ALK: variants seen among roughly 807,000 people sequenced by gnomAD.
ALK encodes the protein ALK receptor tyrosine kinase.
In ALK, 74 loss-of-function variants were observed where a neutral mutation model predicts 163.1. That is an observed-to-expected ratio of 0.45 (90% CI 0.38 to 0.55). The LOEUF (loss-of-function observed/expected upper bound fraction) is 0.55, where lower values mean the gene tolerates loss of function less well. ALK is among the 20% of genes least tolerant of loss of function. ALK has a pLI of 0.00. For missense variants in ALK, 2,063 were observed against 2,105.3 expected (o/e 0.98, Z 0.39); for synonymous variants, 960 against 843.2 (o/e 1.14, Z -2.40).
At chr2:29,365,985 T>A (rs1006305780) in intron 5 of ALK, among the ~76,000 whole-genome samples, 1 of 152,074 alleles carries the variant, frequency 6.6e-6, no homozygotes, top group Non-Finnish European at 1.5e-5. Context: ...TTCATTTCCC[T>A]CCATTTAGAG....
intron 3 of ALK, among the ~76,000 whole-genome samples, chr2:29,613,920 G>C (rs546895289): frequency 6.6e-5 from 10 of 152,220 alleles, no homozygotes; most frequent in Non-Finnish European, 1.0e-4. Flanking sequence ...AAAAAGGGGG[G>C]GTTCTACAGC....
chr2:29,812,922 C>T (rs539801642), intron 1 of ALK, among the ~76,000 whole-genome samples: 2 of 152,308 alleles, frequency 1.3e-5, no homozygotes, highest in East Asian at 3.9e-4. Flanking sequence ...TACACATCTC[C>T]CTAATGGACT....
At chr2:29,395,725 C>T (rs1195424067) in intron 4 of ALK, among the ~76,000 whole-genome samples, 2 of 152,202 alleles carry the variant, frequency 1.3e-5, no homozygotes, top group African/African-American at 4.8e-5. Flanking sequence ...GATCTTAAGA[C>T]CCTAGTTCCA....
At chr2:29,481,298 A>G (rs1671654593) in intron 4 of ALK, among the ~76,000 whole-genome samples, 1 of 152,220 alleles carries the variant, frequency 6.6e-6, no homozygotes, top group Admixed American at 6.5e-5. Flanking sequence ...TAAATTGCCA[A>G]TATATTTGGC....
At chr2:29,622,449 T>C (rs977598224) in intron 3 of ALK, among the ~76,000 whole-genome samples, 2 of 152,168 alleles carry the variant, frequency 1.3e-5, no homozygotes, top group African/African-American at 4.8e-5. Context: ...CTGAGACTTA[T>C]TCACTATCAC....
chr2:29,213,649 G>A (rs1374468451), intron 24 of ALK, among the ~76,000 whole-genome samples: 2 of 152,120 alleles, frequency 1.3e-5, no homozygotes, highest in African/African-American at 4.8e-5. Context: ...TTATGTAAGG[G>A]GCAAGTGAAT....
intron 9 of ALK, among the ~76,000 whole-genome samples, chr2:29,296,648 C>T (rs1169505521): frequency 1.3e-5 from 2 of 152,178 alleles, no homozygotes; most frequent in Non-Finnish European, 2.9e-5. Flanking sequence ...TACCAGTGGT[C>T]CCGAGACAAG....
intron 4 of ALK, among the ~76,000 whole-genome samples, chr2:29,468,226 AC>A (rs1213511984): frequency 6.6e-6 from 1 of 152,108 alleles, no homozygotes; most frequent in East Asian, 1.9e-4. Flanking sequence ...ATGGGGTTTC[AC>A]CATGTTGGTC....
intron 4 of ALK, among the ~76,000 whole-genome samples, chr2:29,488,465 T>C (rs1671828655): frequency 6.6e-6 from 1 of 152,138 alleles, no homozygotes; most frequent in Non-Finnish European, 1.5e-5. Flanking sequence ...TCAGGGTATG[T>C]CAAGCAGTTT....
chr2:29,198,762 T>G (rs1384761541), intron 26 of ALK, among the ~76,000 whole-genome samples: 1 of 152,334 alleles, frequency 6.6e-6, no homozygotes, highest in South Asian at 2.1e-4. Context: ...GTTTATTGAC[T>G]TGATAATTCA....
intron 4 of ALK, among the ~76,000 whole-genome samples, chr2:29,434,169 T>C (rs569893278): frequency 1.3e-5 from 2 of 152,330 alleles, no homozygotes; most frequent in East Asian, 1.9e-4. Flanking sequence ...AGGGAATGCA[T>C]AAAATTTTTA....
intron 3 of ALK, among the ~76,000 whole-genome samples, chr2:29,552,027 C>T (rs1259231823): frequency 6.6e-6 from 1 of 152,104 alleles, no homozygotes; most frequent in African/African-American, 2.4e-5. Context: ...TTAATCCCTC[C>T]CCTCAGCACC....
chr2:29,604,163 GTTTT>G (rs34399929), intron 3 of ALK, among the ~76,000 whole-genome samples: 3 of 138,168 alleles, frequency 2.2e-5, no homozygotes, highest in African/African-American at 8.1e-5. Context: ...GAATAGAGAA[GTTTT>G]TTTTTTTTTT....
intron 3 of ALK, among the ~76,000 whole-genome samples, chr2:29,645,183 A>C (rs1056357606): frequency 1.3e-5 from 2 of 152,154 alleles, no homozygotes; most frequent in Non-Finnish European, 1.5e-5. Flanking sequence ...AGAAAGGTGG[A>C]GTTATCAAAG....
chr2:29,464,262 T>C (rs1671153534), intron 4 of ALK, among the ~76,000 whole-genome samples: 1 of 152,114 alleles, frequency 6.6e-6, no homozygotes, highest in Non-Finnish European at 1.5e-5. Flanking sequence ...ATAATAGAAT[T>C]TGATGATCTT....
chr2:29,540,185 TGATATCTTTTCTACACAGTTTCTTTATA>T (rs1461256905), intron 3 of ALK, among the ~76,000 whole-genome samples: 1 of 152,144 alleles, frequency 6.6e-6, no homozygotes, highest in African/African-American at 2.4e-5. Context: ...AAGTCTGACC[TGATATCTTTTCTACACAGTTTCTTTATA>T]GGGTTCCTGA....
chr2:29,771,658 C>G (rs906748685), intron 1 of ALK, among the ~76,000 whole-genome samples: 1 of 152,114 alleles, frequency 6.6e-6, no homozygotes, highest in African/African-American at 2.4e-5. Context: ...CCTCAGCCTC[C>G]CGAGTAGCTG....
chr2:29,300,815 G>C (rs1347971019), intron 8 of ALK, among the ~76,000 whole-genome samples: 1 of 152,170 alleles, frequency 6.6e-6, no homozygotes, highest in African/African-American at 2.4e-5. Context: ...AAGTCAACAA[G>C]ATGACAGAAG....
intron 1 of ALK, among the ~76,000 whole-genome samples, chr2:29,864,840 G>A (rs1415808477): frequency 6.6e-6 from 1 of 152,190 alleles, no homozygotes; most frequent in African/African-American, 2.4e-5. Context: ...TTGGAGAACT[G>A]GGAGTGTTTT....
Sources: gnomAD v4.1 joint callset for allele counts (sites outside exome capture counted in the v4.1 genomes callset) on GRCh38, gnomAD v4.1.1 for gene constraint, MANE v1.5 for transcripts, NCBI Gene and HGNC (gene_info 2026-07-23, HGNC 2026-07-21) for gene names.